SLC25A38: variants seen among roughly 807,000 people sequenced by gnomAD.
SLC25A38 encodes the protein mitochondrial glycine transporter.
In SLC25A38, 27 loss-of-function variants were observed where a neutral mutation model predicts 33.4. The ratio of observed to expected loss-of-function variants is 0.81; its 90% CI spans 0.60 to 1.11. SLC25A38 has a LOEUF of 1.11. Ranked by LOEUF, SLC25A38 falls within the 50% of genes most tolerant of loss-of-function variation. SLC25A38 has a pLI of 0.00. For missense variants in SLC25A38, 344 were observed against 388.8 expected, an observed-to-expected ratio of 0.88 and a Z score of 0.97; for synonymous variants, 123 against 145.9, an observed-to-expected ratio of 0.84 and a Z score of 1.13.
chr3:39,383,740 C>A lies in SLC25A38; in HGVS notation c.16C>A (p.Arg6Ser), dbSNP rs759333694. 5 of 1,614,172 alleles carry A rather than the reference C, an allele frequency of 3.1e-6. No individual in the cohort carries two copies. The South Asian group carries it at 3.3e-5, about 11-fold the overall frequency. MIQNSRPSLLQPQDVG... is the reference protein window; with the variant it reads MIQNSSPSLLQPQDVG... Reference sequence around the variant, plus strand: ...CTCATCTCCAATGATTCAGAACTCACGTCCGTCGCTGCTGCAACCCCAAGA... The same window carrying A: ...CTCATCTCCAATGATTCAGAACTCAAGTCCGTCGCTGCTGCAACCCCAAGA... The change falls in exon 1 of 7, where the codon CGT becomes AGT. Residue 6 changes from arginine (R) to serine (S), a missense_variant. This residue lies in a region of SLC25A38 where 269 missense variants were observed against 271.8 expected (regional missense o/e 0.99). Transcript: ENST00000650617.
Position 39,391,592 on chromosome 3 carries a change from C to T in SLC25A38, c.428C>T (p.Pro143Leu). 2 of 1,614,218 alleles carry T rather than the reference C, an allele frequency of 1.2e-6. No individual in the cohort carries two copies. The highest frequency in any genetic ancestry group is 1.7e-6 in the Non-Finnish European group (2 of 1,180,046). Residue 143 changes from proline (P) to leucine (L), a missense_variant, in exon 4 of 7, where the codon CCT becomes CTT. Physicochemically the swap from Pro to Leu is moderately conservative, Grantham distance 98. Around this residue, in one of 2 missense-constraint regions of SLC25A38, gnomAD observed 269 missense variants for 271.8 expected, o/e 0.99. Transcript: ENST00000650617. ...TCTGTTGCAGGGGTCTGTATGTCAC[C>T]TATCACTGTAATCAAGACGCGCTAT... ...SRSVAGVCMSPITVIKTRYES... is the reference protein window; with the variant it reads ...SRSVAGVCMSLITVIKTRYES...
chr3:39,396,505 G>A lies in SLC25A38; in HGVS notation c.900G>A (p.Met300Ile), dbSNP rs1289900824. The change falls in exon 7 of 7, where the codon ATG (methionine) becomes ATA (isoleucine). Residue 300 changes from methionine to isoleucine, a missense_variant. Around this residue, in one of 2 missense-constraint regions of SLC25A38, gnomAD observed 75 missense variants for 117.0 expected, o/e 0.64. Coordinates refer to ENST00000650617, the MANE Select transcript of SLC25A38 (RefSeq NM_017875.4). Reference protein sequence around the residue: ...WTVYEEMMAKMGLKS With the variant: ...WTVYEEMMAKIGLKS ...TGTATGAAGAGATGATGGCCAAGAT[G>A]GGCCTGAAGTCCTGACCAAGAGAGG... 6.2e-7 allele frequency: 1 copy of A among 1,614,114 alleles called. No individual in the cohort carries two copies. Among genetic ancestry groups the A allele is most frequent in the South Asian group, 1.1e-5 (1 of 91,078 alleles).
Position 39,391,918 on chromosome 3 carries a change from C to G in SLC25A38, c.522C>G (p.His174Gln). 1.9e-6 allele frequency: 3 copies of G among 1,614,134 alleles called. No homozygotes were observed. The highest frequency in any genetic ancestry group is 2.5e-6 in the Non-Finnish European group (3 of 1,180,012). ...ALRSIYHSEG[H>Q]RGLFSGLTAT... ...GGAGCATCTATCACAGTGAGGGGCA[C>G]CGGGGCCTCTTCAGTGGCCTGACAG... is the stretch of plus-strand genomic sequence containing the variant. The change falls in exon 5 of 7, where the codon CAC (histidine) becomes CAG (glutamine). Residue 174 changes from histidine (H) to glutamine (Q), a missense_variant. By Grantham distance (24) the His-to-Gln change is conservative (BLOSUM62 0). Around this residue, in one of 2 missense-constraint regions of SLC25A38, gnomAD observed 269 missense variants for 271.8 expected, o/e 0.99. Transcript: ENST00000650617.
chr3:39,390,356 G>T lies in SLC25A38; in HGVS notation c.192-67G>T. The T allele has an allele frequency of 2.0e-6, 3 of 1,502,116 alleles. No homozygotes were observed. The South Asian group carries it at 3.4e-5, about 17-fold the overall frequency. The allele number at this position is 1,502,116 out of a possible 1,614,324, so 93.0% of individuals were successfully genotyped here. ...TCTATAAAGGAAGTGTTTGAGTGGG[G>T]AATTGTTTTATGAGGAAGTGATCTA... On this transcript the variant is annotated intron_variant, in intron 2 of 6. Transcript: ENST00000650617.
chr3:39,392,825 T>C (rs1326184731), intron 5 of SLC25A38, among the ~76,000 whole-genome samples: 2 of 152,212 alleles, frequency 1.3e-5, no homozygotes, highest in Admixed American at 6.5e-5. Context: ...GATTTGCTGC[T>C]TCTACCCAGG....
intron 6 of SLC25A38, 133 bp from the exon 7 acceptor site, chr3:39,396,265 C>G (rs2041829729): frequency 6.9e-7 from 1 of 1,443,550 alleles, no homozygotes; most frequent in South Asian, 1.1e-5. Context: ...ACCCATTATT[C>G]TTACTTTGGG....
intron 1 of SLC25A38, among the ~76,000 whole-genome samples, chr3:39,388,903 C>G (rs961926250): frequency 2.0e-5 from 3 of 152,140 alleles, no homozygotes; most frequent in Non-Finnish European, 4.4e-5. Context: ...GAAGGAGAAG[C>G]AGCAAAGCCA....
chr3:39,385,850 G>T (rs746448125), intron 1 of SLC25A38, among the ~76,000 whole-genome samples: 5 of 152,216 alleles, frequency 3.3e-5, no homozygotes, highest in Admixed American at 6.5e-5. Flanking sequence ...TGGACATGGG[G>T]GAGTTAGGGA....
Position 39,389,348 on chromosome 3 carries a change from T to C in SLC25A38, c.70-147T>C. The C allele has an allele frequency of 8.0e-7, 1 of 1,250,770 alleles. No individual in the cohort carries two copies. Among genetic ancestry groups the C allele is most frequent in the Non-Finnish European group, 1.2e-6 (1 of 868,360 alleles). The allele number at this position is 1,250,770 out of a possible 1,614,324, so 77.5% of individuals were successfully genotyped here. On this transcript the variant is annotated intron_variant, in intron 1 of 6. Transcript: ENST00000650617. The surrounding 1 kb of genome is among the most constrained non-coding windows in gnomAD (Gnocchi z 4.5). ...GTATTTTTAATTTCTGGCTATACTT[T>C]TTCCTTCTCCGAGGTATGAAGAAAA... is the stretch of plus-strand genomic sequence containing the variant.
Position 39,391,955 on chromosome 3 carries a change from C to T in SLC25A38, c.559C>T (p.Arg187Ter), listed in dbSNP as rs1180926625. The T allele has an allele frequency of 1.2e-5, 20 of 1,614,074 alleles. No homozygotes were observed. The highest frequency in any genetic ancestry group is 3.3e-5 in the South Asian group (3 of 91,090). Residue 187 changes from arginine (R) to a stop codon, truncating the protein, a stop_gained, in exon 5 of 7, where the codon CGA (arginine) becomes TGA (stop). Transcript: ENST00000650617. LOFTEE classifies it high-confidence loss of function. The stretch of plus-strand genomic sequence containing the variant: ...CAGTGGCCTGACAGCAACTCTCCTT[C>T]GAGATGCGCCCTTCTCAGGAATCTA... ...LFSGLTATLL[R>*]DAPFSGIYLM...
In SLC25A38 at chr3:39,389,594, A is replaced by T; in HGVS notation, c.169A>T (p.Thr57Ser). ...GGATCTCCTTAAAACACGCCTGCAA[A>T]CCCTCCAGCCCTCAGATCATGGGTA... Reference protein sequence around the residue: ...PLDLLKTRLQTLQPSDHGSRR... With the variant: ...PLDLLKTRLQSLQPSDHGSRR... The change falls in exon 2 of 7, where the codon ACC becomes TCC. Residue 57 changes from threonine (T) to serine (S), a missense_variant. Physicochemically the swap from Thr to Ser is moderately conservative, Grantham distance 58. Transcript: ENST00000650617. This position sits in a 1 kb window ranked among gnomAD's most constrained non-coding sequence, Gnocchi z 4.5. 7 of 1,613,982 alleles carry T rather than the reference A, an allele frequency of 4.3e-6. No homozygotes were observed. Among genetic ancestry groups the T allele is most frequent in the Non-Finnish European group, 5.1e-6 (6 of 1,179,986 alleles).
At chr3:39,392,066 C>A (rs747281039) in intron 5 of SLC25A38, 45 bp downstream of exon 5, 1 of 1,608,272 alleles carries the variant, frequency 6.2e-7, no homozygotes, top group Non-Finnish European at 8.5e-7. Context: ...CTTGAGACAT[C>A]AGATCCTCAC....
rs1441813486 is a variant in SLC25A38, at chr3:39,383,762, A to G, written c.38A>G (p.Gln13Arg). The change falls in exon 1 of 7, where the codon CAA (glutamine) becomes CGA (arginine). Residue 13 changes from glutamine to arginine, a missense_variant. Coordinates refer to ENST00000650617, the MANE Select transcript of SLC25A38 (RefSeq NM_017875.4). ...QNSRPSLLQP[Q>R]DVGDTVETLM... ...TCACGTCCGTCGCTGCTGCAACCCC[A>G]AGATGTCGGAGACACGGTGGAAACG... is the stretch of plus-strand genomic sequence containing the variant. 2 of 1,613,892 alleles carry G rather than the reference A, an allele frequency of 1.2e-6. No homozygotes were observed. Among genetic ancestry groups the G allele is most frequent in the East Asian group, 4.5e-5 (2 of 44,870 alleles).
chr3:39,387,983 G>C (rs1173257008), intron 1 of SLC25A38: 1 of 152,664 alleles, frequency 6.6e-6, no homozygotes, highest in Non-Finnish European at 1.5e-5. Context: ...GGGGCCTGCG[G>C]AGGGACTGGC....
rs968312054 is a variant in SLC25A38 at position 39,383,590 on chromosome 3, C to T, written c.-135C>T. 7 of 951,704 alleles carry T rather than the reference C, an allele frequency of 7.4e-6. No individual in the cohort carries two copies. The Admixed American group carries it at 1.1e-4, about 14-fold the overall frequency. The allele number at this position is 951,704 out of a possible 1,614,324, so 59.0% of individuals were successfully genotyped here. A position where few individuals can be genotyped will look rare whatever the true frequency, so the allele number is the denominator to read the frequency against. ...GCGGCTGCGTGCTTATAGGCGCAGA[C>T]GTCAGAGAGCCCGCGGCTTAAAGCG... On this transcript the variant is annotated 5_prime_UTR_variant, in exon 1 of 7. It adds an upstream start codon to the 5' untranslated region. Coordinates refer to ENST00000650617, the MANE Select transcript of SLC25A38 (RefSeq NM_017875.4).
At chr3:39,390,298 A>G (rs2041747528) in intron 2 of SLC25A38, 125 bp from the exon 3 acceptor site, 5 of 922,744 alleles carry the variant, frequency 5.4e-6, no homozygotes, top group Non-Finnish European at 3.6e-6. Context: ...TCCAAGGTGC[A>G]TTGTAGAGAT....
intron 1 of SLC25A38, chr3:39,384,465 C>G (rs1419368893): frequency 7.8e-6 from 3 of 382,364 alleles, no homozygotes; most frequent in African/African-American, 6.2e-5. Flanking sequence ...GCAGCTGCCG[C>G]AGCTCTCCCT....
At chr3:39,384,725 C>G (rs1490769851) in intron 1 of SLC25A38, 1 of 398,068 alleles carries the variant, frequency 2.5e-6, no homozygotes, top group African/African-American at 2.1e-5. Context: ...ATTGTTTATG[C>G]CCTCTTCTTT....
intron 6 of SLC25A38, among the ~76,000 whole-genome samples, chr3:39,395,858 T>G (rs902243782): frequency 2.7e-5 from 4 of 148,194 alleles, no homozygotes; most frequent in Admixed American, 1.4e-4. Flanking sequence ...GACTTTCAGC[T>G]AAGAAATCCC....
Sources: allele counts gnomAD v4.1 joint callset (sites outside exome capture counted in the v4.1 genomes callset), GRCh38; gene constraint gnomAD v4.1.1; regional missense constraint gnomAD v4.1.1; non-coding constraint Gnocchi (gnomAD v3.1); transcripts MANE v1.5; gene names NCBI Gene and HGNC (gene_info 2026-07-23, HGNC 2026-07-21).